ZNF536: variants seen among roughly 807,000 people sequenced by gnomAD.
The protein encoded by ZNF536 is zinc finger protein 536.
Under a neutral mutation model 84.5 loss-of-function variants are expected in ZNF536, and 13 were observed. The observed-to-expected ratio is 0.15, with a 90% CI of 0.10 to 0.24. ZNF536 has a LOEUF of 0.24. Ranked by LOEUF, ZNF536 falls within the 10% of genes least tolerant of loss-of-function variation. ZNF536 has a pLI of 1.00. For missense variants in ZNF536, 1,536 were observed against 1,747.5 expected, an observed-to-expected ratio of 0.88 and a Z score of 2.16; for synonymous variants, 811 against 742.5, an observed-to-expected ratio of 1.09 and a Z score of -1.50.
intron 1 of ZNF536, among the ~76,000 whole-genome samples, chr19:30,608,891 A>C (rs2047992052): frequency 6.6e-6 from 1 of 152,218 alleles, no homozygotes; most frequent in South Asian, 2.1e-4. Flanking sequence ...AGCTTGGACC[A>C]GATTAAAACT....
intron 4 of ZNF536, chr19:30,555,528 G>A (rs2045933269): frequency 6.6e-6 from 1 of 152,194 alleles, no homozygotes; most frequent in Non-Finnish European, 1.5e-5. Flanking sequence ...CCATCCCAAT[G>A]GTTACACTAT....
intron 2 of ZNF536, among the ~76,000 whole-genome samples, chr19:30,328,812 G>T (rs2047118591): frequency 6.6e-6 from 1 of 152,212 alleles, no homozygotes; most frequent in Non-Finnish European, 1.5e-5. Flanking sequence ...GGGGCTTGGT[G>T]TACTTGGACC....
intron 1 of ZNF536, among the ~76,000 whole-genome samples, chr19:30,274,347 A>G (rs1029925): frequency 1.3e-5 from 2 of 152,150 alleles, no homozygotes; most frequent in Admixed American, 6.5e-5. Context: ...CAAGTCATGC[A>G]TGCATTTTTG....
intron 2 of ZNF536, among the ~76,000 whole-genome samples, chr19:30,351,636 T>A (rs1269482850): frequency 6.6e-6 from 1 of 152,248 alleles, no homozygotes; most frequent in African/African-American, 2.4e-5. Context: ...TGAGCACGGC[T>A]CTGATTTATA....
intron 1 of ZNF536, among the ~76,000 whole-genome samples, chr19:30,234,655 G>T (rs964682744): frequency 6.6e-6 from 1 of 151,930 alleles, no homozygotes; most frequent in African/African-American, 2.4e-5. Context: ...ACCTGCCTCA[G>T]CCTCCCAAAG....
chr19:30,521,639 A>G (rs1599675908), intron 2 of ZNF536, among the ~76,000 whole-genome samples: 1 of 152,164 alleles, frequency 6.6e-6, no homozygotes, highest in East Asian at 1.9e-4. Context: ...TTGGCTGGAC[A>G]CCGGCCACGT....
At chr19:30,432,604 CA>C (rs1418350068) in intron 1 of ZNF536, among the ~76,000 whole-genome samples, 5 of 152,076 alleles carry the variant, frequency 3.3e-5, no homozygotes, top group African/African-American at 9.7e-5. Flanking sequence ...TGCCTTTTTC[CA>C]AACCCTACAC....
chr19:30,493,131 G>A (rs953498767), intron 2 of ZNF536, among the ~76,000 whole-genome samples: 3 of 103,530 alleles, frequency 2.9e-5, no homozygotes, highest in Non-Finnish European at 5.4e-5. Context: ...ATCCCTCAGT[G>A]CACATAGTTC....
At chr19:30,498,853 C>A (rs183186607) in intron 2 of ZNF536, among the ~76,000 whole-genome samples, 2 of 152,180 alleles carry the variant, frequency 1.3e-5, no homozygotes, top group Non-Finnish European at 2.9e-5. Flanking sequence ...CCTCCGGGCA[C>A]TCTACCGGGG....
intron 3 of ZNF536, among the ~76,000 whole-genome samples, chr19:30,538,290 T>C (rs927028691): frequency 6.6e-6 from 1 of 152,220 alleles, no homozygotes; most frequent in Non-Finnish European, 1.5e-5. Flanking sequence ...TTTTAAACCA[T>C]GGACCCATAT....
At chr19:30,658,401 A>G (rs554530610) in intron 1 of ZNF536, among the ~76,000 whole-genome samples, 24 of 152,154 alleles carry the variant, frequency 1.6e-4, no homozygotes, top group African/African-American at 5.8e-4. Flanking sequence ...CCAACCTTCA[A>G]GCTCATCTCT....
At chr19:30,335,107 G>A (rs1266478047) in intron 2 of ZNF536, among the ~76,000 whole-genome samples, 1 of 152,172 alleles carries the variant, frequency 6.6e-6, no homozygotes, top group Non-Finnish European at 1.5e-5. Flanking sequence ...ACAGGGATGG[G>A]GACACAGAGG....
chr19:30,614,110 G>T (rs931797358), intron 1 of ZNF536, among the ~76,000 whole-genome samples: 4 of 152,156 alleles, frequency 2.6e-5, no homozygotes, highest in South Asian at 2.1e-4. Context: ...TAATCTGCCC[G>T]CCTTGGCCTC....
intron 1 of ZNF536, among the ~76,000 whole-genome samples, chr19:30,601,421 T>G (rs890045058): frequency 6.6e-6 from 1 of 152,204 alleles, no homozygotes; most frequent in Non-Finnish European, 1.5e-5. Context: ...ACCCTCATTC[T>G]TAGCCTGTGG....
At chr19:30,700,897 T>C (rs1005935781) in intron 1 of ZNF536, among the ~76,000 whole-genome samples, 3 of 152,168 alleles carry the variant, frequency 2.0e-5, no homozygotes, top group African/African-American at 7.2e-5. Context: ...TGTGCAGCTC[T>C]GGGAGAAGTG....
chr19:30,576,727 G>A (rs1568569719), intron 1 of ZNF536, among the ~76,000 whole-genome samples: 1 of 152,236 alleles, frequency 6.6e-6, no homozygotes, highest in African/African-American at 2.4e-5. Context: ...GGCTTGTGGA[G>A]TTTTCTTCCT....
At chr19:30,483,684 C>G (rs776151625) in intron 2 of ZNF536, among the ~76,000 whole-genome samples, 1 of 152,148 alleles carries the variant, frequency 6.6e-6, no homozygotes, top group Non-Finnish European at 1.5e-5. Context: ...AGTTCGTTCC[C>G]GGTAGCTTGC....
intron 2 of ZNF536, among the ~76,000 whole-genome samples, chr19:30,320,620 G>A (rs935290208): frequency 5.9e-5 from 9 of 152,260 alleles, no homozygotes; most frequent in African/African-American, 1.9e-4. Flanking sequence ...CGGAGCCCCC[G>A]TCAGAGAGCC....
chr19:30,271,507 G>A (rs1179587598), intron 1 of ZNF536, among the ~76,000 whole-genome samples: 1 of 151,858 alleles, frequency 6.6e-6, no homozygotes, highest in Admixed American at 6.6e-5. Flanking sequence ...TGGATTTAGG[G>A]GTCAAGTTCA....
Sources: gnomAD v4.1 joint callset for allele counts (sites outside exome capture counted in the v4.1 genomes callset) on GRCh38, gnomAD v4.1.1 for gene constraint, MANE v1.5 for transcripts, NCBI Gene and HGNC (gene_info 2026-07-23, HGNC 2026-07-21) for gene names.